Variants in PDILT observed in about 807,000 individuals in gnomAD.
The protein encoded by PDILT is protein disulfide isomerase like, testis expressed.
A neutral mutation model predicts 53.7 loss-of-function variants in PDILT; 43 were observed. The ratio of observed to expected loss-of-function variants is 0.80; its 90% confidence interval spans 0.63 to 1.03. The LOEUF is 1.03. PDILT is among the 50% of genes least tolerant of loss of function. The probability of loss-of-function intolerance (pLI) is 0.00; values close to 1 mark genes in which losing one functional copy is unlikely to be tolerated. For synonymous variants in PDILT, 282 were observed against 274.2 expected (o/e 1.03, Z -0.28); for missense variants, 727 against 712.3 (o/e 1.02, Z -0.24).
intron 2 of PDILT, among the ~76,000 whole-genome samples, chr16:20,397,173 T>G (rs1418047607): frequency 2.0e-5 from 3 of 152,244 alleles, no homozygotes; most frequent in African/African-American, 7.2e-5. Flanking sequence ...TCTCGCTCTG[T>G]CAGCCAGGCT....
At chr16:20,389,026 C>G (rs1966574389) in intron 2 of PDILT, 1 of 152,136 alleles carries the variant, frequency 6.6e-6, no homozygotes, top group Non-Finnish European at 1.5e-5. Flanking sequence ...CATTTACATT[C>G]TGCCCTGGTC....
intron 1 of PDILT, among the ~76,000 whole-genome samples, chr16:20,402,290 A>ATCATT (rs112422552): frequency 1.3e-5 from 2 of 149,520 alleles, no homozygotes; most frequent in Non-Finnish European, 3.0e-5. Context: ...AGGAGTGTTG[A>ATCATT]TCTTTTCTTT....
chr16:20,359,795 A>G (rs1332886382), intron 11 of PDILT, among the ~76,000 whole-genome samples: 1 of 152,070 alleles, frequency 6.6e-6, no homozygotes, highest in Non-Finnish European at 1.5e-5. Flanking sequence ...AGGTAAGAGG[A>G]CCTTTGGGGG....
chr16:20,393,448 A>G (rs1966628857), intron 2 of PDILT, among the ~76,000 whole-genome samples: 1 of 152,190 alleles, frequency 6.6e-6, no homozygotes, highest in Non-Finnish European at 1.5e-5. Flanking sequence ...CATGTTCAAT[A>G]TTGGATGGAG....
Position 20,372,836 on chromosome 16 carries a change from T to G in PDILT, c.884A>C (p.His295Pro). ...GAATTCCTTTGATGCCAGCTTATAA[T>G]GCTGAATTATGATACCATATGACTC... ...SSESYGIIIQ[H>P]YKLASKEFQN... Residue 295 changes from histidine (H) to proline (P), a missense_variant, in exon 7 of 12, where the codon CAT becomes CCT. Physicochemically the swap from His to Pro is moderately conservative, Grantham distance 77. Coordinates refer to ENST00000302451, the MANE Select transcript of PDILT (RefSeq NM_174924.2). 1.9e-6 allele frequency: 3 copies of G among 1,614,098 alleles called. No homozygotes were observed. The highest frequency in any genetic ancestry group is 2.5e-6 in the Non-Finnish European group (3 of 1,179,946).
intron 2 of PDILT, among the ~76,000 whole-genome samples, chr16:20,386,483 C>T (rs1042727607): frequency 3.3e-5 from 5 of 152,176 alleles, no homozygotes; most frequent in African/African-American, 4.8e-5. Context: ...AGTTCCAAGT[C>T]CAACAGAGAG....
rs1246056791 is a variant in PDILT, at chr16:20,374,951, C to T, written c.552G>A (p.Glu184=). Residue 184 remains glutamate, a synonymous_variant, in exon 5 of 12, where the codon GAG becomes GAA. Transcript: ENST00000302451. ...CATAGAACAACTCTGCTACTTCTTC[C>T]TCTAAATCCTATTTGGGAAAGGATG... The part of the protein sequence containing the change: ...LVIVGFFQDL[E]EEVAELFYDV... 6.2e-7 allele frequency: 1 copy of T among 1,606,606 alleles called. No individual in the cohort carries two copies. The highest frequency in any genetic ancestry group is 1.7e-5 in the Admixed American group (1 of 58,884).
intron 2 of PDILT, among the ~76,000 whole-genome samples, chr16:20,395,952 G>A (rs1170142382): frequency 6.6e-6 from 1 of 152,164 alleles, no homozygotes; most frequent in African/African-American, 2.4e-5. Context: ...AAGCTTTATT[G>A]TTTATAAATT....
intron 1 of PDILT, among the ~76,000 whole-genome samples, chr16:20,400,148 G>T (rs1203290092): frequency 3.3e-5 from 5 of 151,496 alleles, no homozygotes; most frequent in African/African-American, 9.7e-5. Context: ...TGCGACCTCT[G>T]CATCCTGGGT....
intron 1 of PDILT, among the ~76,000 whole-genome samples, 163 bp downstream of exon 1, chr16:20,404,333 G>A (rs1966787047): frequency 6.6e-6 from 1 of 152,128 alleles, no homozygotes; most frequent in African/African-American, 2.4e-5. Flanking sequence ...GGGTGAGTCT[G>A]GGCATTATTA....
chr16:20,381,050 C>A (rs1264978427), intron 3 of PDILT, among the ~76,000 whole-genome samples: 1 of 152,222 alleles, frequency 6.6e-6, no homozygotes, highest in African/African-American at 2.4e-5. Context: ...CAGCACTGGG[C>A]TGCATATTTC....
intron 7 of PDILT, among the ~76,000 whole-genome samples, chr16:20,372,267 A>G (rs1306257525): frequency 6.6e-6 from 1 of 152,266 alleles, no homozygotes; most frequent in East Asian, 1.9e-4. Context: ...GGAGACCTCA[A>G]TATGGGGTTA....
At chr16:20,365,287 G>A (rs1293843006) in intron 9 of PDILT, 133 bp downstream of exon 9, 2 of 938,808 alleles carry the variant, frequency 2.1e-6, no homozygotes. Context: ...CAATCCCTTT[G>A]GGTATCTGAA....
At chr16:20,393,028 A>G (rs979484644) in intron 2 of PDILT, among the ~76,000 whole-genome samples, 2 of 152,120 alleles carry the variant, frequency 1.3e-5, no homozygotes, top group African/African-American at 4.8e-5. Context: ...GCCTTTTAAC[A>G]CCTCCATTGA....
intron 8 of PDILT, among the ~76,000 whole-genome samples, chr16:20,367,137 C>G (rs2141706230): frequency 6.7e-6 from 1 of 149,506 alleles, no homozygotes; most frequent in Middle Eastern, 3.4e-3. Context: ...GAGTCTCGCT[C>G]TGTCACCCAG....
At chr16:20,372,657 C>A in intron 7 of PDILT, 145 bp downstream of exon 7, 3 of 906,666 alleles carry the variant, frequency 3.3e-6, no homozygotes, top group South Asian at 1.9e-5. Context: ...CATTGACATG[C>A]AAATCAGAAA....
Position 20,373,235 on chromosome 16 carries a change from G to A in PDILT, c.682-113C>T, listed in dbSNP as rs867710561. ...GATAAAAGGAAAGCACTGAGGAATG[G>A]TATCAGGTGTAGTCTGTAATCTAGG... On this transcript the variant is annotated intron_variant, in intron 5 of 11. Coordinates refer to ENST00000302451, the MANE Select transcript of PDILT (RefSeq NM_174924.2). The A allele has an allele frequency of 2.1e-5, 18 of 861,972 alleles. No homozygotes were observed. The Middle Eastern group carries it at 2.4e-3, about 116-fold the overall frequency. The allele number at this position is 861,972 out of a possible 1,614,324, so 53.4% of individuals were successfully genotyped here.
intron 7 of PDILT, among the ~76,000 whole-genome samples, chr16:20,370,806 T>G (rs887509221): frequency 1.3e-5 from 2 of 152,042 alleles, no homozygotes; most frequent in Non-Finnish European, 2.9e-5. Flanking sequence ...ACCGAGATGG[T>G]GACGAGAGTG....
At chr16:20,375,107 G>T in intron 4 of PDILT, 148 bp from the exon 5 acceptor site, 1 of 869,566 alleles carries the variant, frequency 1.2e-6, no homozygotes, top group Non-Finnish European at 1.7e-6. Context: ...TCTTTCATGA[G>T]TATTTCATAC....
Sources: allele counts gnomAD v4.1 joint callset (sites outside exome capture counted in the v4.1 genomes callset), GRCh38; gene constraint gnomAD v4.1.1; transcripts MANE v1.5; gene names NCBI Gene and HGNC (gene_info 2026-07-23, HGNC 2026-07-21).